The following DIAPH2 variants were observed in gnomAD, a reference collection of about 807,000 sequenced individuals.
The protein encoded by DIAPH2 is protein diaphanous homolog 2.
Under a neutral mutation model 92.7 loss-of-function variants are expected in DIAPH2, and 35 were observed. The observed-to-expected ratio is 0.38, with a 90% CI of 0.29 to 0.50. The LOEUF is 0.50. Among genes scored for constraint, DIAPH2 ranks in the 20% least tolerant of loss-of-function variants. DIAPH2 has a pLI of 0.94. For synonymous variants in DIAPH2, 301 were observed against 280.4 expected, an observed-to-expected ratio of 1.07 and a Z score of -0.73; for missense variants, 701 against 819.5, an observed-to-expected ratio of 0.86 and a Z score of 1.77.
chrX:97,389,391 G>C (rs775482089), intron 25 of DIAPH2, among the ~76,000 whole-genome samples: 3 of 105,821 alleles, frequency 2.8e-5, no homozygotes, highest in African/African-American at 1.0e-4. Context: ...GCTTGAACCC[G>C]GGGGGCAGAA....
intron 22 of DIAPH2, among the ~76,000 whole-genome samples, chrX:97,174,004 AG>A (rs1269521712): frequency 4.7e-5 from 5 of 107,390 alleles, no homozygotes; most frequent in African/African-American, 1.7e-4. Flanking sequence ...GCATTTATTA[AG>A]GATTTAGTAT....
chrX:96,822,359 G>C (rs1602539009), intron 4 of DIAPH2, among the ~76,000 whole-genome samples: 1 of 111,685 alleles, frequency 9.0e-6, no homozygotes, highest in Non-Finnish European at 1.9e-5. Context: ...CTGGCTTGCT[G>C]TTGGATTGTG....
intron 24 of DIAPH2, among the ~76,000 whole-genome samples, chrX:97,352,399 G>A (rs2069224575): frequency 1.8e-5 from 2 of 111,060 alleles, no homozygotes. Context: ...TAATGTCTTT[G>A]GAAGACTTCT....
At chrX:97,363,180 G>A (rs771701209) in intron 24 of DIAPH2, among the ~76,000 whole-genome samples, 16 of 111,806 alleles carry the variant, frequency 1.4e-4, no homozygotes, top group Non-Finnish European at 2.4e-4. Flanking sequence ...CTAGAAGCCC[G>A]GCATATTGTC....
intron 3 of DIAPH2, among the ~76,000 whole-genome samples, chrX:96,746,556 G>T (rs780402624): frequency 0.012 from 1,315 of 108,655 alleles, 11 homozygotes; most frequent in Non-Finnish European, 0.019. Flanking sequence ...TGTTTTTTTT[G>T]TTTGTTTGTT....
chrX:96,810,315 T>C (rs1269755886), intron 4 of DIAPH2, among the ~76,000 whole-genome samples: 2 of 112,519 alleles, frequency 1.8e-5, no homozygotes, highest in African/African-American at 6.5e-5. Context: ...ATAAATGTCT[T>C]CTTTTGAGAA....
At chrX:96,966,362 C>A (rs2065894100) in intron 17 of DIAPH2, among the ~76,000 whole-genome samples, 1 of 111,792 alleles carries the variant, frequency 8.9e-6, no homozygotes, top group Non-Finnish European at 1.9e-5. Context: ...TTGCTTGTAG[C>A]AAAGTGTTCA....
At chrX:97,377,167 T>A (rs1287323394) in intron 24 of DIAPH2, among the ~76,000 whole-genome samples, 2 of 111,925 alleles carry the variant, frequency 1.8e-5, no homozygotes, top group African/African-American at 6.5e-5. Flanking sequence ...TCTTGTGTGA[T>A]AACAATGCCT....
At chrX:97,203,261 C>T (rs931626857) in intron 22 of DIAPH2, among the ~76,000 whole-genome samples, 11 of 111,221 alleles carry the variant, frequency 9.9e-5, no homozygotes, top group Non-Finnish European at 1.5e-4. Flanking sequence ...ATTAAAAGAA[C>T]TAGAGAAGCA....
intron 23 of DIAPH2, among the ~76,000 whole-genome samples, chrX:97,312,358 T>A (rs1201945021): frequency 1.2e-5 from 1 of 81,996 alleles, no homozygotes; most frequent in Non-Finnish European, 2.4e-5. Flanking sequence ...TTTTTTTTTT[T>A]TTTTTTTTTT....
intron 1 of DIAPH2, among the ~76,000 whole-genome samples, chrX:96,717,428 G>A (rs890050386): frequency 8.2e-5 from 9 of 109,778 alleles, no homozygotes; most frequent in Non-Finnish European, 1.3e-4. Context: ...TTTCTGCTTC[G>A]TGTATTTTGA....
chrX:97,041,205 C>A (rs1002311796), intron 17 of DIAPH2, among the ~76,000 whole-genome samples: 2 of 110,889 alleles, frequency 1.8e-5, no homozygotes, highest in South Asian at 7.5e-4. Flanking sequence ...AAGGAAATTG[C>A]CAACCTACGC....
At chrX:96,855,589 GATATAA>G (rs2065034753) in intron 4 of DIAPH2, among the ~76,000 whole-genome samples, 1 of 108,627 alleles carries the variant, frequency 9.2e-6, no homozygotes, top group South Asian at 3.8e-4. Flanking sequence ...TATAAATATA[GATATAA>G]ATATAGATAT....
At chrX:96,969,612 TTA>T (rs1171496984) in intron 17 of DIAPH2, among the ~76,000 whole-genome samples, 1 of 111,620 alleles carries the variant, frequency 9.0e-6, no homozygotes, top group African/African-American at 3.3e-5. Flanking sequence ...CTGAAATTTT[TTA>T]TGTGTTCCAG....
intron 23 of DIAPH2, among the ~76,000 whole-genome samples, chrX:97,336,266 AC>A (rs1242971458): frequency 3.5e-5 from 3 of 84,963 alleles, no homozygotes; most frequent in Admixed American, 1.5e-4. Flanking sequence ...TTTTTTTGAG[AC>A]GGAGTCTCGC....
At chrX:96,921,546 CAAA>C (rs1204745885) in intron 9 of DIAPH2, among the ~76,000 whole-genome samples, 1 of 111,450 alleles carries the variant, frequency 9.0e-6, no homozygotes, top group Admixed American at 9.6e-5. Context: ...TTACAGTTCT[CAAA>C]AAGATTTACA....
intron 4 of DIAPH2, among the ~76,000 whole-genome samples, chrX:96,869,557 C>CACCACTACTACTACT (rs756921879): frequency 9.2e-5 from 9 of 97,922 alleles, no homozygotes; most frequent in African/African-American, 3.1e-4. Context: ...CTACTACTAC[C>CACCACTACTACTACT]ACTACTACTA....
chrX:97,251,668 C>T (rs372332495), intron 23 of DIAPH2, among the ~76,000 whole-genome samples: 4 of 111,680 alleles, frequency 3.6e-5, no homozygotes, highest in South Asian at 7.6e-4. Flanking sequence ...GGTGACCAGC[C>T]CACCTCAGCC....
chrX:97,382,393 C>T (rs2069558627), intron 24 of DIAPH2, among the ~76,000 whole-genome samples: 1 of 111,966 alleles, frequency 8.9e-6, no homozygotes, highest in Non-Finnish European at 1.9e-5. Context: ...GAGTTCGAGA[C>T]CAGCCTAACC....
Sources: gnomAD v4.1 joint callset for allele counts (sites outside exome capture counted in the v4.1 genomes callset) on GRCh38, gnomAD v4.1.1 for gene constraint, MANE v1.5 for transcripts, NCBI Gene and HGNC (gene_info 2026-07-23, HGNC 2026-07-21) for gene names.